VPS41: variants seen among roughly 807,000 people sequenced by gnomAD.
The protein encoded by VPS41 is VPS41 subunit of HOPS complex.
A neutral mutation model predicts 130.9 loss-of-function variants in VPS41; 85 were observed. The ratio of observed to expected loss-of-function variants is 0.65; its 90% CI spans 0.55 to 0.78. The LOEUF is 0.78. Ranked by LOEUF, VPS41 falls within the 30% of genes least tolerant of loss-of-function variation. The probability of loss-of-function intolerance (pLI) is 0.00; values close to 1 mark genes in which losing one functional copy is unlikely to be tolerated. For missense variants in VPS41, 874 were observed against 1,018.7 expected (o/e 0.86, Z 1.93); for synonymous variants, 335 against 332.9 (o/e 1.01, Z -0.07).
chr7:38,729,916 T>C (rs1216115212), intron 25 of VPS41, among the ~76,000 whole-genome samples: 5 of 152,130 alleles, frequency 3.3e-5, no homozygotes, highest in Admixed American at 6.5e-5. Flanking sequence ...TGTCATTTCA[T>C]TTATTATTAT....
chr7:38,761,668 T>C (rs1783925571), intron 17 of VPS41, among the ~76,000 whole-genome samples: 1 of 151,984 alleles, frequency 6.6e-6, no homozygotes, highest in East Asian at 1.9e-4. Context: ...CACAGCTCAC[T>C]GCAGCCTCAG....
At chr7:38,894,212 G>A (rs191705717) in intron 2 of VPS41, among the ~76,000 whole-genome samples, 7 of 152,264 alleles carry the variant, frequency 4.6e-5, no homozygotes, top group Middle Eastern at 3.4e-3. Flanking sequence ...AATCTCTGGT[G>A]GACTGAGTGG....
chr7:38,769,720 T>C lies in VPS41; in HGVS notation c.1185+1478A>G. Among the ~76,000 whole-genome samples the C allele has an allele frequency of 1.3e-5, 2 of 152,214 alleles. 1 individual carries two copies. Among genetic ancestry groups the C allele is most frequent in the Non-Finnish European group, 2.9e-5 (2 of 68,030 alleles). On this transcript the variant is annotated intron_variant, in intron 14 of 28. Transcript: ENST00000310301. Reference sequence around the variant, plus strand: ...CATCCCAAAGATTAAAAGTTTACTGTATCTTCCATCTATCTTCACCTCTCC... The same window carrying C: ...CATCCCAAAGATTAAAAGTTTACTGCATCTTCCATCTATCTTCACCTCTCC...
chr7:38,778,531 G>C (rs2286080), intron 10 of VPS41, among the ~76,000 whole-genome samples: 97,399 of 152,064 alleles, frequency 0.64, 32,588 homozygotes, highest in East Asian at 0.88. Flanking sequence ...ATATTAACAA[G>C]AGGTTTTGGT....
chr7:38,747,939 T>C (rs759299571), intron 22 of VPS41, among the ~76,000 whole-genome samples: 1 of 152,240 alleles, frequency 6.6e-6, no homozygotes, highest in Non-Finnish European at 1.5e-5. Flanking sequence ...TGACACGGAA[T>C]GTAAGCAGAT....
At chr7:38,848,394 T>TC (rs1785773811) in intron 4 of VPS41, among the ~76,000 whole-genome samples, 1 of 152,174 alleles carries the variant, frequency 6.6e-6, no homozygotes. Flanking sequence ...TCTCTTTTTT[T>TC]CCCCTTCGTT....
At chr7:38,788,241 C>G (rs906874692) in intron 10 of VPS41, among the ~76,000 whole-genome samples, 1 of 152,216 alleles carries the variant, frequency 6.6e-6, no homozygotes, top group African/African-American at 2.4e-5. Context: ...AGATCACACA[C>G]TTCAGCAAAC....
chr7:38,732,259 T>A (rs1795679839), intron 25 of VPS41, among the ~76,000 whole-genome samples: 1 of 152,204 alleles, frequency 6.6e-6, no homozygotes. Context: ...AGGACATTCT[T>A]GTACAGATCT....
chr7:38,825,037 G>A (rs952561455), intron 5 of VPS41, among the ~76,000 whole-genome samples: 5 of 152,016 alleles, frequency 3.3e-5, no homozygotes, highest in Non-Finnish European at 2.9e-5. Flanking sequence ...TGATAAAGAG[G>A]AATAAACAAA....
chr7:38,733,407 TC>T (rs1165499976), intron 25 of VPS41, among the ~76,000 whole-genome samples: 6 of 152,242 alleles, frequency 3.9e-5, no homozygotes, highest in African/African-American at 9.6e-5. Flanking sequence ...GCTGGTTGTT[TC>T]CCCGTGCCTT....
At chr7:38,885,849 TAAA>T (rs34463750) in intron 2 of VPS41, among the ~76,000 whole-genome samples, 2 of 152,010 alleles carry the variant, frequency 1.3e-5, no homozygotes, top group African/African-American at 4.8e-5. Flanking sequence ...AGAATTTTTT[TAAA>T]AAAAGGAAAA....
intron 4 of VPS41, among the ~76,000 whole-genome samples, chr7:38,846,177 G>A (rs1037192699): frequency 1.6e-4 from 25 of 152,202 alleles, no homozygotes; most frequent in African/African-American, 5.8e-4. Flanking sequence ...AGGTGTTTGT[G>A]TAGAGTCTGT....
intron 7 of VPS41, among the ~76,000 whole-genome samples, chr7:38,800,837 A>AAAATAAAT (rs144799613): frequency 1.3e-4 from 20 of 151,956 alleles, no homozygotes; most frequent in African/African-American, 3.4e-4. Context: ...ACTCTGTCTC[A>AAAATAAAT]AAATAAATAA....
At chr7:38,893,820 T>C (rs1364069549) in intron 2 of VPS41, among the ~76,000 whole-genome samples, 2 of 152,212 alleles carry the variant, frequency 1.3e-5, no homozygotes, top group Non-Finnish European at 2.9e-5. Context: ...TTCCTTTACA[T>C]TAATAATACT....
chr7:38,847,520 T>C (rs1342463399), intron 4 of VPS41, among the ~76,000 whole-genome samples: 1 of 152,222 alleles, frequency 6.6e-6, no homozygotes, highest in African/African-American at 2.4e-5. Context: ...TATGTTAATA[T>C]TCTGTAAAAT....
At chr7:38,794,394 G>A (rs1784584071) in intron 9 of VPS41, among the ~76,000 whole-genome samples, 4 of 152,114 alleles carry the variant, frequency 2.6e-5, no homozygotes, top group Admixed American at 2.6e-4. Context: ...AACAATGTTT[G>A]TTTTGCTAAT....
Position 38,805,436 on chromosome 7 carries a change from G to A in VPS41, c.451-8572C>T, listed in dbSNP as rs1241717105. Among the ~76,000 whole-genome samples the A allele has an allele frequency of 2.0e-5, 3 of 152,232 alleles. No homozygotes were observed. The East Asian group carries it at 5.8e-4, about 29-fold the overall frequency. ...TAGTCCCAGCTACTCGGGAGGCTGA[G>A]GCAGAAGAATCACTTGAACCTGGGA... On this transcript the variant is annotated intron_variant, in intron 7 of 28. Coordinates refer to ENST00000310301, the MANE Select transcript of VPS41 (RefSeq NM_014396.4).
intron 2 of VPS41, among the ~76,000 whole-genome samples, chr7:38,881,004 T>C (rs1584442922): frequency 6.6e-6 from 1 of 152,226 alleles, no homozygotes; most frequent in Non-Finnish European, 1.5e-5. Flanking sequence ...TGCGGCCTAA[T>C]GAAAAGTGTT....
In VPS41 at chr7:38,795,550, A is replaced by G. The variant is rs765045405; in HGVS notation, c.632T>C (p.Ile211Thr). 6.2e-7 allele frequency: 1 copy of G among 1,613,560 alleles called. No homozygotes were observed. Among genetic ancestry groups the G allele is most frequent in the Non-Finnish European group, 8.5e-7 (1 of 1,179,718 alleles). Residue 211 changes from isoleucine (I) to threonine (T), a missense_variant, in exon 9 of 29, where the codon ATA (isoleucine) becomes ACA (threonine). Physicochemically the swap from Ile to Thr is moderately conservative, Grantham distance 89. Transcript: ENST00000310301. Reference protein sequence around the residue: ...QRITNVPRDDISLRPDMYPCS... With the variant: ...QRITNVPRDDTSLRPDMYPCS... Reference sequence around the variant, plus strand: ...GGGATACATGTCTGGGCGAAGACTTATATCATCCCGGGGCACATTGGTGAT... The same window carrying G: ...GGGATACATGTCTGGGCGAAGACTTGTATCATCCCGGGGCACATTGGTGAT...
Sources: gnomAD v4.1 joint callset for allele counts (sites outside exome capture counted in the v4.1 genomes callset) on GRCh38, gnomAD v4.1.1 for gene constraint, MANE v1.5 for transcripts, NCBI Gene and HGNC (gene_info 2026-07-23, HGNC 2026-07-21) for gene names.